The following SRRT variants were observed in gnomAD, a reference collection of about 807,000 sequenced individuals.
The protein encoded by SRRT is serrate, RNA effector molecule.
Under a neutral mutation model 103.2 loss-of-function variants are expected in SRRT, and 32 were observed. That is an observed-to-expected ratio of 0.31 (90% CI 0.23 to 0.42). The LOEUF (loss-of-function observed/expected upper bound fraction) is 0.42, where lower values mean the gene tolerates loss of function less well. SRRT is among the 10% of genes least tolerant of loss of function. The pLI, the probability that SRRT is intolerant of heterozygous loss-of-function variation, is 1.00. For missense variants in SRRT, 986 were observed against 1,207.5 expected (o/e 0.82, Z 2.72); for synonymous variants, 525 against 449.0 (o/e 1.17, Z -2.14).
intron 2 of SRRT, chr7:100,880,897 C>T: frequency 3.9e-6 from 1 of 256,940 alleles, no homozygotes; most frequent in Admixed American, 5.1e-5. Flanking sequence ...AGACAAGAAT[C>T]TTTGTTTTGT....
At position 100,884,469 on chromosome 7, in the gene SRRT, G is replaced by A. The variant is rs1348032661; in HGVS notation, c.859G>A (p.Glu287Lys). Residue 287 changes from glutamate to lysine, a missense_variant, in exon 7 of 20, where the codon GAA (glutamate) becomes AAA (lysine). Coordinates refer to ENST00000611405, the MANE Select transcript of SRRT (RefSeq NM_015908.6). ...AAAGCCTGGGGAGCCCAGCAAGAAA[G>A]AAGAAGGACGGGCTGGAGCAGGCCT... ...AGKPGEPSKK[E>K]EGRAGAGLGD... 1 of 1,613,960 alleles carries A rather than the reference G, an allele frequency of 6.2e-7. No homozygotes were observed. The highest frequency in any genetic ancestry group is 1.1e-5 in the South Asian group (1 of 91,046).
intron 2 of SRRT, among the ~76,000 whole-genome samples, chr7:100,876,928 G>A (rs1470026031): frequency 1.3e-5 from 2 of 152,118 alleles, no homozygotes; most frequent in African/African-American, 4.8e-5. Context: ...TGGACATAAC[G>A]TGTGATTTTA....
Position 100,887,421 on chromosome 7 carries a change from C to G in SRRT, c.2077C>G (p.Pro693Ala), listed in dbSNP as rs1340337434. 3.1e-6 allele frequency: 5 copies of G among 1,614,178 alleles called. No homozygotes were observed. In the Admixed American group the frequency reaches 8.3e-5, roughly 27 times the overall value. Residue 693 changes from proline to alanine, a missense_variant, in exon 16 of 20, where the codon CCA (proline) becomes GCA (alanine). Pro to Ala is a conservative substitution (Grantham distance 27). Around this residue, in one of 6 missense-constraint regions of SRRT, gnomAD observed 349 missense variants for 446.9 expected, o/e 0.78. Coordinates refer to ENST00000611405, the MANE Select transcript of SRRT (RefSeq NM_015908.6). This position sits in a 1 kb window ranked among gnomAD's most constrained non-coding sequence, Gnocchi z 4.1. ...EEAQKMGRKD[P>A]EQEVEKFVTS... is the part of the protein sequence containing the mutation. ...GGCCCAGAAGATGGGGCGCAAAGAC[C>G]CAGAGCAGGAAGTGGAGAAGTTCGT... is the stretch of plus-strand genomic sequence containing the variant.
At chr7:100,879,563 T>C (rs186667495) in intron 2 of SRRT, among the ~76,000 whole-genome samples, 1 of 152,374 alleles carries the variant, frequency 6.6e-6, no homozygotes, top group East Asian at 1.9e-4. Flanking sequence ...AAACATGTAA[T>C]GTGTTTCATC....
In SRRT at chr7:100,883,147, G is replaced by A. The variant is rs554437904; in HGVS notation, c.587+906G>A. 19 of 152,548 alleles carry A rather than the reference G, an allele frequency of 1.2e-4. No homozygotes were observed. In the South Asian group the frequency reaches 2.7e-3, roughly 22 times the overall value. The allele number at this position is 152,548 out of a possible 1,614,324, so 9.4% of individuals were successfully genotyped here. On this transcript the variant is annotated intron_variant, in intron 5 of 19. Coordinates refer to ENST00000611405, the MANE Select transcript of SRRT (RefSeq NM_015908.6). ...TCCTTTCCTCTTCTGCCCCACTCGT[G>A]GTTCTGTTCTGTCTTCGCTGTCCCC...
At chr7:100,883,147 GGTTCT>G (rs1355244328) in intron 5 of SRRT, 1 of 152,430 alleles carries the variant, frequency 6.6e-6, no homozygotes, top group Non-Finnish European at 1.5e-5. Flanking sequence ...CCCCACTCGT[GGTTCT>G]GTTCTGTCTT....
chr7:100,885,375 G>GT lies in SRRT; in HGVS notation c.1317+6dup, dbSNP rs766313964. On this transcript the variant is annotated splice_donor_region_variant and intron_variant, in intron 10 of 19. Coordinates refer to ENST00000611405, the MANE Select transcript of SRRT (RefSeq NM_015908.6). The surrounding 1 kb of genome is among the most constrained non-coding windows in gnomAD (Gnocchi z 4.8). ...TCCCGGGCCGAGATCATCTCCGTGAGTGGGGACCCGTGGAGTCAGGGCAGG... is the reference window on the plus strand; with the variant it reads ...TCCCGGGCCGAGATCATCTCCGTGAGTTGGGGACCCGTGGAGTCAGGGCAGG... 6.8e-6 allele frequency: 11 copies of GT among 1,611,722 alleles called. No homozygotes were observed. The highest frequency in any genetic ancestry group is 9.3e-6 in the Non-Finnish European group (11 of 1,178,396).
chr7:100,887,679 G>A lies in SRRT; in HGVS notation c.2170-24G>A. 6.3e-7 allele frequency: 1 copy of A among 1,599,722 alleles called. No individual in the cohort carries two copies. Among genetic ancestry groups the A allele is most frequent in the Non-Finnish European group, 8.6e-7 (1 of 1,168,574 alleles). ...GAGGCAACCCTTATGTGGCTGTCCT[G>A]ACCCCTCTCCTCTCTCCACCCAGGG... On this transcript the variant is annotated intron_variant, in intron 16 of 19. Coordinates refer to ENST00000611405, the MANE Select transcript of SRRT (RefSeq NM_015908.6). This position sits in a 1 kb window ranked among gnomAD's most constrained non-coding sequence, Gnocchi z 4.1.
chr7:100,878,201 A>G (rs916575377), intron 2 of SRRT, among the ~76,000 whole-genome samples: 2 of 151,774 alleles, frequency 1.3e-5, no homozygotes, highest in Admixed American at 6.6e-5. Flanking sequence ...AGTCCCGGCA[A>G]CTCCGGAGGC....
At chr7:100,884,879 G>T (rs1400791593) in intron 8 of SRRT, 41 bp downstream of exon 8, 2 of 1,613,782 alleles carry the variant, frequency 1.2e-6, no homozygotes, top group African/African-American at 1.3e-5. Flanking sequence ...TTGGGGCTGG[G>T]GTTCTGGCAC....
intron 2 of SRRT, among the ~76,000 whole-genome samples, chr7:100,877,333 A>T (rs1456742854): frequency 1.4e-5 from 2 of 141,976 alleles, no homozygotes; most frequent in African/African-American, 5.2e-5. Context: ...AGACAGGAGA[A>T]TTGCTTGAAC....
intron 2 of SRRT, among the ~76,000 whole-genome samples, chr7:100,879,502 A>G (rs1816077348): frequency 6.6e-6 from 1 of 152,336 alleles, no homozygotes; most frequent in African/African-American, 2.4e-5. Flanking sequence ...CAATGTAAAA[A>G]CAATGCCACT....
At chr7:100,883,941 C>T in intron 5 of SRRT, 129 bp from the exon 6 acceptor site, 1 of 1,037,768 alleles carries the variant, frequency 9.6e-7, no homozygotes, top group South Asian at 1.8e-5. Context: ...CTTAATCTCT[C>T]TATTTTGATG....
chr7:100,888,248 C>T lies in SRRT; in HGVS notation c.2429-9C>T. On this transcript the variant is annotated splice_polypyrimidine_tract_variant and intron_variant, in intron 18 of 19. Coordinates refer to ENST00000611405, the MANE Select transcript of SRRT (RefSeq NM_015908.6). ...TAGTTTTGCAACTCAACACTGATCTCTGTCATAGCTGGTGCTGTCCGCCCT... is the reference window on the plus strand; with the variant it reads ...TAGTTTTGCAACTCAACACTGATCTTTGTCATAGCTGGTGCTGTCCGCCCT... The T allele has an allele frequency of 6.2e-7, 1 of 1,605,104 alleles. No homozygotes were observed. The highest frequency in any genetic ancestry group is 8.5e-7 in the Non-Finnish European group (1 of 1,173,920).
rs1204271250 is a variant in SRRT at position 100,884,735 on chromosome 7, C to T, written c.943-5C>T. 2 of 1,613,482 alleles carry T rather than the reference C, an allele frequency of 1.2e-6. No homozygotes were observed. The highest frequency in any genetic ancestry group is 2.2e-5 in the East Asian group (1 of 44,866). On this transcript the variant is annotated splice_polypyrimidine_tract_variant and splice_region_variant and intron_variant, in intron 7 of 19. Coordinates refer to ENST00000611405, the MANE Select transcript of SRRT (RefSeq NM_015908.6). ...GACATCCCCAGTGGTTGTCTCTTAC[C>T]ATAGGCTGAGAATGACAGTTCTAAT...
At position 100,887,392 on chromosome 7, in the gene SRRT, A is replaced by G. The variant is rs1790238122; in HGVS notation, c.2048A>G (p.Glu683Gly). Reference protein sequence around the residue: ...LLSVRESLSEEEAQKMGRKDP... With the variant: ...LLSVRESLSEGEAQKMGRKDP... ...AGTGTGCGGGAGTCACTCTCAGAGG[A>G]AGAGGCCCAGAAGATGGGGCGCAAA... The change falls in exon 16 of 20, where the codon GAA becomes GGA. Residue 683 changes from glutamate (E) to glycine (G), a missense_variant. By Grantham distance (98) the Glu-to-Gly change is moderately conservative. This residue lies in a region of SRRT where 349 missense variants were observed against 446.9 expected (regional missense o/e 0.78). Transcript: ENST00000611405. The surrounding 1 kb of genome is among the most constrained non-coding windows in gnomAD (Gnocchi z 4.1). 6 of 1,614,190 alleles carry G rather than the reference A, an allele frequency of 3.7e-6. No individual in the cohort carries two copies. The East Asian group carries it at 1.3e-4, about 36-fold the overall frequency.
chr7:100,876,987 C>CA (rs1815774332), intron 2 of SRRT, among the ~76,000 whole-genome samples: 1 of 152,084 alleles, frequency 6.6e-6, no homozygotes, highest in African/African-American at 2.4e-5. Context: ...GTCCACAGAC[C>CA]ATAGGGGGTC....
chr7:100,888,046 C>A lies in SRRT; in HGVS notation c.2331C>A (p.Leu777=), dbSNP rs1225004375. ...PAQPPGPAQI[L]PPGLTPGLPY... is the part of the protein sequence containing the mutation. ...TTCATGTCCCTGTCCGTGTTGTACT[C>A]CCCCCAGGTTTGACCCCAGGACTCC... is the stretch of plus-strand genomic sequence containing the variant. The change falls in exon 18 of 20, where the codon CTC becomes CTA. Residue 777 remains leucine (L), a synonymous_variant. Coordinates refer to ENST00000611405, the MANE Select transcript of SRRT (RefSeq NM_015908.6). 2 of 1,547,464 alleles carry A rather than the reference C, an allele frequency of 1.3e-6. No individual in the cohort carries two copies. The highest frequency in any genetic ancestry group is 1.7e-6 in the Non-Finnish European group (2 of 1,151,054).
Position 100,885,112 on chromosome 7 carries a change from A to G in SRRT, c.1159+72A>G. On this transcript the variant is annotated intron_variant, in intron 9 of 19. Coordinates refer to ENST00000611405, the MANE Select transcript of SRRT (RefSeq NM_015908.6). This position sits in a 1 kb window ranked among gnomAD's most constrained non-coding sequence, Gnocchi z 4.8. ...GGGAGGTGAGAGGTTGGCGACATTGACGGGAGGGTGGGTGGCTTTTAGGGG... is the reference window on the plus strand; with the variant it reads ...GGGAGGTGAGAGGTTGGCGACATTGGCGGGAGGGTGGGTGGCTTTTAGGGG... 6.2e-7 allele frequency: 1 copy of G among 1,604,090 alleles called. No individual in the cohort carries two copies. Among genetic ancestry groups the G allele is most frequent in the Admixed American group, 1.7e-5 (1 of 59,472 alleles).
Sources: gnomAD v4.1 joint callset for allele counts (sites outside exome capture counted in the v4.1 genomes callset) on GRCh38, gnomAD v4.1.1 for gene constraint, gnomAD v4.1.1 regional missense constraint, Gnocchi (gnomAD v3.1) non-coding constraint, MANE v1.5 for transcripts, NCBI Gene and HGNC (gene_info 2026-07-23, HGNC 2026-07-21) for gene names.